Variants in TANGO6 observed in about 807,000 individuals in gnomAD.
TANGO6 encodes transport and Golgi organization protein 6 homolog.
Under a neutral mutation model 114.2 loss-of-function variants are expected in TANGO6, and 90 were observed. The ratio of observed to expected loss-of-function variants is 0.79; its 90% CI spans 0.66 to 0.94. TANGO6 has a LOEUF of 0.94. Among genes scored for constraint, TANGO6 ranks in the 40% least tolerant of loss-of-function variants. The pLI, the probability that TANGO6 is intolerant of heterozygous loss-of-function variation, is 0.00. For missense variants in TANGO6, 1,274 were observed against 1,315.3 expected (o/e 0.97, Z 0.49); for synonymous variants, 477 against 509.8 (o/e 0.94, Z 0.87).
At chr16:68,857,396 T>G (rs1962013788) in intron 1 of TANGO6, among the ~76,000 whole-genome samples, 2 of 152,184 alleles carry the variant, frequency 1.3e-5, no homozygotes, top group South Asian at 2.1e-4. Flanking sequence ...ATTCTTTTTT[T>G]TTTTCTTTCT....
At chr16:69,046,841 T>G (rs1469982348) in intron 17 of TANGO6, among the ~76,000 whole-genome samples, 3 of 152,000 alleles carry the variant, frequency 2.0e-5, no homozygotes, top group Non-Finnish European at 4.4e-5. Context: ...AGAAATTATA[T>G]AATGTGAAGA....
intron 1 of TANGO6, 45 bp downstream of exon 1, chr16:68,843,756 G>C (rs1477612422): frequency 6.3e-7 from 1 of 1,595,850 alleles, no homozygotes; most frequent in African/African-American, 1.3e-5. Flanking sequence ...GGGACTCTCA[G>C]GGCCGCCCGG....
chr16:68,929,726 CAATT>C (rs1963216091), intron 13 of TANGO6, among the ~76,000 whole-genome samples: 1 of 152,064 alleles, frequency 6.6e-6, no homozygotes, highest in Non-Finnish European at 1.5e-5. Context: ...TTACTAATAT[CAATT>C]AAAGTGCTGA....
rs78386967 is a variant in TANGO6, at chr16:68,854,932, C to A, written c.95-4952C>A. Among the ~76,000 whole-genome samples the A allele has an allele frequency of 3.0e-3, 453 of 151,750 alleles. 2 individuals carry two copies. The highest frequency in any genetic ancestry group is 0.01 in the African/African-American group (425 of 41,442). On this transcript the variant is annotated intron_variant, in intron 1 of 17. Coordinates refer to ENST00000261778, the MANE Select transcript of TANGO6 (RefSeq NM_024562.2). Reference sequence around the variant, plus strand: ...TTTTTAATCAGTTTGTCAATTTCTGCAAAAAGGTCTGTTGAGATTCTTATT... The same window carrying A: ...TTTTTAATCAGTTTGTCAATTTCTGAAAAAAGGTCTGTTGAGATTCTTATT...
At chr16:69,082,210 A>G (rs1225809652) in intron 17 of TANGO6, among the ~76,000 whole-genome samples, 2 of 151,826 alleles carry the variant, frequency 1.3e-5, no homozygotes, top group Non-Finnish European at 2.9e-5. Context: ...GTCTTAAACT[A>G]TCCTGACCTT....
At chr16:69,063,643 CAAAA>C (rs770332921) in intron 17 of TANGO6, among the ~76,000 whole-genome samples, 5 of 35,778 alleles carry the variant, frequency 1.4e-4, no homozygotes, top group Non-Finnish European at 2.2e-4. Context: ...ACTCCATCTC[CAAAA>C]AAAAAAAAAA....
chr16:69,031,174 A>C (rs1289941118), intron 16 of TANGO6, among the ~76,000 whole-genome samples: 1 of 152,024 alleles, frequency 6.6e-6, no homozygotes, highest in East Asian at 1.9e-4. Context: ...ATCCTGCCCC[A>C]CTTCTAGAGA....
At position 68,909,232 on chromosome 16, in the gene TANGO6, G is replaced by A. The variant is rs769623228; in HGVS notation, c.1822G>A (p.Glu608Lys). 17 of 1,587,966 alleles carry A rather than the reference G, an allele frequency of 1.1e-5. No homozygotes were observed. Among genetic ancestry groups the A allele is most frequent in the South Asian group, 1.1e-5 (1 of 87,634 alleles). Reference sequence around the variant, plus strand: ...GTAGGAGTTGACTCATGTGGCCTCGGAAAATGAAACAGAGTTAAAAACTGA... The same window carrying A: ...GTAGGAGTTGACTCATGTGGCCTCGAAAAATGAAACAGAGTTAAAAACTGA... ...CLKELTHVAS[E>K]NETELKTEPF... Residue 608 changes from glutamate (E) to lysine (K), a missense_variant, in exon 11 of 18, where the codon GAA becomes AAA. Physicochemically the swap from Glu to Lys is moderately conservative, Grantham distance 56. Coordinates refer to ENST00000261778, the MANE Select transcript of TANGO6 (RefSeq NM_024562.2).
At chr16:68,874,465 G>A (rs776012787) in intron 4 of TANGO6, among the ~76,000 whole-genome samples, 3 of 152,046 alleles carry the variant, frequency 2.0e-5, no homozygotes, top group Admixed American at 6.6e-5. Context: ...TGCTTAAGAC[G>A]GTAAAGTAAT....
rs981374633 is a variant in TANGO6, at chr16:68,867,239, C to A, written c.994+19C>A. 1 of 1,613,210 alleles carries A rather than the reference C, an allele frequency of 6.2e-7. No individual in the cohort carries two copies. Among genetic ancestry groups the A allele is most frequent in the African/African-American group, 1.3e-5 (1 of 74,894 alleles). Reference sequence around the variant, plus strand: ...GCAGGTGGTAAGAAATAAAATGTTGCTGTGACTTTGGTATCTGTTTTCCTT... The same window carrying A: ...GCAGGTGGTAAGAAATAAAATGTTGATGTGACTTTGGTATCTGTTTTCCTT... On this transcript the variant is annotated intron_variant, in intron 4 of 17. Coordinates refer to ENST00000261778, the MANE Select transcript of TANGO6 (RefSeq NM_024562.2).
At chr16:69,075,207 GTCTC>G (rs1214506198) in intron 17 of TANGO6, among the ~76,000 whole-genome samples, 1 of 147,802 alleles carries the variant, frequency 6.8e-6, no homozygotes, top group Admixed American at 6.8e-5. Context: ...TGGGGTCTAA[GTCTC>G]TCTCTCAACT....
chr16:68,957,488 C>G (rs2152207787), intron 14 of TANGO6, among the ~76,000 whole-genome samples: 1 of 151,582 alleles, frequency 6.6e-6, no homozygotes, highest in Middle Eastern at 3.4e-3. Flanking sequence ...GCCTCCACCT[C>G]CCTGGTTCAA....
At chr16:68,884,544 C>T (rs1962512651) in intron 7 of TANGO6, among the ~76,000 whole-genome samples, 1 of 152,050 alleles carries the variant, frequency 6.6e-6, no homozygotes, top group South Asian at 2.1e-4. Context: ...TCAGAAAGAC[C>T]ATGTCCCATC....
intron 4 of TANGO6, among the ~76,000 whole-genome samples, chr16:68,868,977 C>T (rs1260651221): frequency 1.3e-5 from 2 of 152,078 alleles, no homozygotes; most frequent in African/African-American, 4.8e-5. Flanking sequence ...TTGGTTAGAT[C>T]AATATTCAGT....
rs543117670 is a variant in TANGO6, at chr16:68,949,188, A to AAAAG, written c.2701+18912_2701+18915dup. ...GCAACAATAGTGAAACTCCGTCTCAAAAAGAAAGAAAGAAAGAAAGAAGTC... is the reference window on the plus strand; with the variant it reads ...GCAACAATAGTGAAACTCCGTCTCAAAAAGAAAGAAAGAAAGAAAGAAAGAAGTC... On this transcript the variant is annotated intron_variant, in intron 14 of 17. Transcript: ENST00000261778. Among the ~76,000 whole-genome samples the AAAAG allele has an allele frequency of 9.0e-4, 137 of 152,058 alleles. 1 individual carries two copies. The highest frequency in any genetic ancestry group is 3.5e-3 in the South Asian group (17 of 4,822).
At chr16:68,883,937 T>C (rs1194206589) in intron 7 of TANGO6, among the ~76,000 whole-genome samples, 1 of 151,832 alleles carries the variant, frequency 6.6e-6, no homozygotes, top group Non-Finnish European at 1.5e-5. Flanking sequence ...TGAGACAGAG[T>C]CTCCCTCTGT....
intron 16 of TANGO6, among the ~76,000 whole-genome samples, chr16:69,027,259 T>A (rs1318490333): frequency 2.0e-5 from 3 of 152,228 alleles, no homozygotes; most frequent in African/African-American, 7.2e-5. Context: ...TTTATGGTAT[T>A]TCCTGATTCT....
At chr16:68,886,325 C>T (rs189904596) in intron 7 of TANGO6, among the ~76,000 whole-genome samples, 1 of 151,994 alleles carries the variant, frequency 6.6e-6, no homozygotes, top group East Asian at 1.9e-4. Context: ...TCAAGCAATC[C>T]TACTACCTCA....
chr16:69,041,500 T>C (rs555957897), intron 17 of TANGO6, among the ~76,000 whole-genome samples: 38 of 152,150 alleles, frequency 2.5e-4, no homozygotes, highest in Admixed American at 2.4e-3. Context: ...ATGGGCTTTA[T>C]TCATCCTAGA....
Sources: gnomAD v4.1 joint callset for allele counts (sites outside exome capture counted in the v4.1 genomes callset) on GRCh38, gnomAD v4.1.1 for gene constraint, MANE v1.5 for transcripts, NCBI Gene and HGNC (gene_info 2026-07-23, HGNC 2026-07-21) for gene names.